The following RNF152 variants were observed in gnomAD, a reference collection of about 807,000 sequenced individuals.
RNF152 encodes ring finger protein 152, also known as E3 ubiquitin-protein ligase RNF152.
In RNF152, 11 loss-of-function variants were observed where a neutral mutation model predicts 12.7. That is an observed-to-expected ratio of 0.86 (90% CI 0.54 to 1.43). RNF152 has a LOEUF of 1.43. Ranked by LOEUF, RNF152 falls within the 40% of genes most tolerant of loss-of-function variation. RNF152 has a pLI of 0.00. For missense variants in RNF152, 255 were observed against 274.8 expected, an observed-to-expected ratio of 0.93 and a Z score of 0.51; for synonymous variants, 113 against 120.3, an observed-to-expected ratio of 0.94 and a Z score of 0.40.
At chr18:61,875,667 C>A (rs371748022) in intron 1 of RNF152, among the ~76,000 whole-genome samples, 132 of 152,272 alleles carry the variant, frequency 8.7e-4, no homozygotes, top group African/African-American at 3.1e-3. Flanking sequence ...AATTTTATAT[C>A]CGTTACCATT....
chr18:61,816,583 A>T lies in RNF152; in HGVS notation c.-120T>A. On this transcript the variant is annotated 5_prime_UTR_variant, in exon 2 of 2. Coordinates refer to ENST00000312828, the MANE Select transcript of RNF152 (RefSeq NM_173557.3). Reference sequence around the variant, plus strand: ...GCAAGCTCACAGGCATCCAGTACTCACAGGTGTGTTCATTTCTGAGAGAGA... The same window carrying T: ...GCAAGCTCACAGGCATCCAGTACTCTCAGGTGTGTTCATTTCTGAGAGAGA... 9.8e-7 allele frequency: 1 copy of T among 1,025,156 alleles called. No homozygotes were observed. Among genetic ancestry groups the T allele is most frequent in the Non-Finnish European group, 1.4e-6 (1 of 691,172 alleles). The allele number at this position is 1,025,156 out of a possible 1,614,324, so 63.5% of individuals were successfully genotyped here.
At chr18:61,885,757 CA>C (rs904689313) in intron 1 of RNF152, among the ~76,000 whole-genome samples, 1 of 151,332 alleles carries the variant, frequency 6.6e-6, no homozygotes, top group African/African-American at 2.4e-5. Flanking sequence ...ATTCCAAAAT[CA>C]AAAAAAGGGA....
chr18:61,845,544 C>T (rs1254322038), intron 1 of RNF152, among the ~76,000 whole-genome samples: 1 of 152,184 alleles, frequency 6.6e-6, no homozygotes, highest in Non-Finnish European at 1.5e-5. Context: ...ACAGTTGCTT[C>T]CCTTAAAGCA....
At chr18:61,842,127 T>C (rs902529285) in intron 1 of RNF152, among the ~76,000 whole-genome samples, 4 of 152,254 alleles carry the variant, frequency 2.6e-5, no homozygotes, top group Non-Finnish European at 5.9e-5. Flanking sequence ...CATGTATTTT[T>C]ACCACAAGTT....
Position 61,810,113 on chromosome 18 carries a change from TA to T in RNF152, c.*5738del, listed in dbSNP as rs1225342130. ...ATTTGAAAAGTTTCAAGTGTTTATA[TA>T]GACACTCCCAAAGGTAGTTAGTTTG... On this transcript the variant is annotated 3_prime_UTR_variant, in exon 2 of 2. Coordinates refer to ENST00000312828, the MANE Select transcript of RNF152 (RefSeq NM_173557.3). 2 of 152,242 alleles carry T rather than the reference TA, an allele frequency of 1.3e-5. No individual in the cohort carries two copies. Among genetic ancestry groups the T allele is most frequent in the African/African-American group, 4.8e-5 (2 of 41,464 alleles). 9.4% of individuals were successfully genotyped at this position (152,242 alleles called of 1,614,324 possible).
At chr18:61,863,162 G>A (rs541568920) in intron 1 of RNF152, among the ~76,000 whole-genome samples, 28 of 152,206 alleles carry the variant, frequency 1.8e-4, no homozygotes, top group Admixed American at 1.1e-3. Context: ...TTAGCCAGGC[G>A]CGGTGGCTCA....
intron 1 of RNF152, among the ~76,000 whole-genome samples, chr18:61,856,799 T>C (rs1162418865): frequency 1.3e-5 from 2 of 152,220 alleles, no homozygotes; most frequent in East Asian, 1.9e-4. Context: ...GCTAGCTCCA[T>C]GTAACAAATG....
At chr18:61,862,190 C>A (rs1037777076) in intron 1 of RNF152, among the ~76,000 whole-genome samples, 1 of 152,098 alleles carries the variant, frequency 6.6e-6, no homozygotes, top group Non-Finnish European at 1.5e-5. Context: ...TCCATCCTGA[C>A]CCCCCTATCT....
intron 1 of RNF152, among the ~76,000 whole-genome samples, chr18:61,822,509 G>C (rs1279709753): frequency 2.0e-5 from 3 of 152,168 alleles, no homozygotes; most frequent in African/African-American, 7.2e-5. Flanking sequence ...GCATTCATTT[G>C]GTAGGTGGTA....
intron 1 of RNF152, among the ~76,000 whole-genome samples, chr18:61,851,039 T>C (rs1169664753): frequency 6.6e-6 from 1 of 150,988 alleles, no homozygotes; most frequent in Non-Finnish European, 1.5e-5. Flanking sequence ...CATCAGCCAG[T>C]GACCTTTCTC....
At chr18:61,833,828 T>G (rs1365751885) in intron 1 of RNF152, among the ~76,000 whole-genome samples, 1 of 152,320 alleles carries the variant, frequency 6.6e-6, no homozygotes, top group East Asian at 1.9e-4. Flanking sequence ...ATACATCACC[T>G]AAGGTGACCT....
intron 1 of RNF152, among the ~76,000 whole-genome samples, chr18:61,861,623 G>A (rs1286221762): frequency 1.3e-5 from 2 of 152,174 alleles, no homozygotes; most frequent in Non-Finnish European, 1.5e-5. Flanking sequence ...ATGAGGTTGG[G>A]TAATTTATAA....
intron 1 of RNF152, among the ~76,000 whole-genome samples, chr18:61,875,890 C>G (rs1912192990): frequency 6.6e-6 from 1 of 152,100 alleles, no homozygotes; most frequent in Non-Finnish European, 1.5e-5. Context: ...CCTTCCTGCC[C>G]CAATCCATAT....
At chr18:61,868,173 G>T (rs1302684883) in intron 1 of RNF152, among the ~76,000 whole-genome samples, 11 of 152,174 alleles carry the variant, frequency 7.2e-5, no homozygotes, top group Non-Finnish European at 1.5e-4. Flanking sequence ...CACTGTAGAG[G>T]TTGGCCTTCG....
In RNF152 at chr18:61,811,883, T is replaced by G. The variant is rs1262881919; in HGVS notation, c.*3969A>C. On this transcript the variant is annotated 3_prime_UTR_variant, in exon 2 of 2. Coordinates refer to ENST00000312828, the MANE Select transcript of RNF152 (RefSeq NM_173557.3). ...GGACAATAGGTTAACATGCAGCTAA[T>G]GATCCCAGAAAAGGGGCTTAATAAA... 7.2e-5 allele frequency: 11 copies of G among 152,232 alleles called. No individual in the cohort carries two copies. 9.4% of individuals were successfully genotyped at this position (152,232 alleles called of 1,614,324 possible). A position where few individuals can be genotyped will look rare whatever the true frequency, so the allele number is the denominator to read the frequency against.
At chr18:61,821,721 TGACA>T (rs1269043801) in intron 1 of RNF152, among the ~76,000 whole-genome samples, 2 of 152,186 alleles carry the variant, frequency 1.3e-5, no homozygotes, top group Non-Finnish European at 2.9e-5. Flanking sequence ...CAGCAGCTGG[TGACA>T]GACAATTACC....
Position 61,875,467 on chromosome 18 carries a change from C to G in RNF152, c.-136+17328G>C, listed in dbSNP as rs944656239. 2.6e-5 allele frequency among the ~76,000 whole-genome samples: 4 copies of G among 152,258 alleles called. No homozygotes were observed. The East Asian group carries it at 7.7e-4, about 29-fold the overall frequency. On this transcript the variant is annotated intron_variant, in intron 1 of 1. Coordinates refer to ENST00000312828, the MANE Select transcript of RNF152 (RefSeq NM_173557.3). ...ATTTTTTTTCTTTGTTCCTACAACC[C>G]TTCAGACCTATGCCTTTACATGGTC...
At chr18:61,834,081 C>A in intron 1 of RNF152, among the ~76,000 whole-genome samples, 1 of 152,228 alleles carries the variant, frequency 6.6e-6, no homozygotes, top group Non-Finnish European at 1.5e-5. Context: ...AAAGATGTGA[C>A]CCCTGGGTAG....
rs1293060457 is a variant in RNF152 at position 61,816,399 on chromosome 18, C to T, written c.65G>A (p.Arg22Gln). 4 of 1,613,982 alleles carry T rather than the reference C, an allele frequency of 2.5e-6. No homozygotes were observed. Among genetic ancestry groups the T allele is most frequent in the East Asian group, 4.5e-5 (2 of 44,854 alleles). ...GCAGTCCAGCAACTTGGGCCTGCGC[C>T]GGGGGCTGTAGTAATTGAAACAGAT... ...CQICFNYYSPRRRPKLLDCKH... is the reference protein window; with the variant it reads ...CQICFNYYSPQRRPKLLDCKH... Residue 22 changes from arginine to glutamine, a missense_variant, in exon 2 of 2, where the codon CGG becomes CAG. By Grantham distance (43) the Arg-to-Gln change is conservative. Transcript: ENST00000312828.
Sources: gnomAD v4.1 joint callset for allele counts (sites outside exome capture counted in the v4.1 genomes callset) on GRCh38, gnomAD v4.1.1 for gene constraint, MANE v1.5 for transcripts, NCBI Gene and HGNC (gene_info 2026-07-23, HGNC 2026-07-21) for gene names.